The following PDE4D variants were observed in gnomAD, a reference collection of about 807,000 sequenced individuals.
PDE4D encodes the protein phosphodiesterase 4D.
PDE4D carries 24 observed loss-of-function variants against 87.4 expected under a neutral mutation model. The observed-to-expected ratio is 0.27, with a 90% CI of 0.20 to 0.39. The LOEUF (loss-of-function observed/expected upper bound fraction) is 0.39. Among genes scored for constraint, PDE4D ranks in the 10% least tolerant of loss-of-function variants. The pLI, the probability that PDE4D is intolerant of heterozygous loss-of-function variation, is 1.00. For synonymous variants in PDE4D, 384 were observed against 383.2 expected (o/e 1.00, Z -0.02); for missense variants, 714 against 1,041.0 (o/e 0.69, Z 4.32).
At chr5:59,311,321 C>A (rs1445456022) in intron 1 of PDE4D, among the ~76,000 whole-genome samples, 1 of 151,414 alleles carries the variant, frequency 6.6e-6, no homozygotes, top group Non-Finnish European at 1.5e-5. Flanking sequence ...GAGTTCAGGA[C>A]AAAACCCCGT....
intron 2 of PDE4D, among the ~76,000 whole-genome samples, chr5:59,201,112 A>T (rs1329966600): frequency 6.6e-6 from 1 of 152,146 alleles, no homozygotes; most frequent in African/African-American, 2.4e-5. Context: ...TAAATAAATT[A>T]AAAAATAATC....
intron 1 of PDE4D, among the ~76,000 whole-genome samples, chr5:59,890,614 G>A (rs1424808850): frequency 6.6e-6 from 1 of 152,176 alleles, no homozygotes; most frequent in East Asian, 1.9e-4. Flanking sequence ...TTGGTTTCAT[G>A]TATTTCTTGA....
At chr5:59,470,671 TTG>T (rs1364183874) in intron 1 of PDE4D, among the ~76,000 whole-genome samples, 1 of 152,212 alleles carries the variant, frequency 6.6e-6, no homozygotes, top group East Asian at 1.9e-4. Flanking sequence ...TTGATTTACT[TTG>T]TTTTTCAGGA....
In PDE4D at chr5:59,105,789, G is replaced by T. The variant is rs574557786; in HGVS notation, c.809-66818C>A. ...AAGATTCTGATTTCTAACAAGCACC[G>T]ATGTGACTGGCCCAGGGGTCAGACT... On this transcript the variant is annotated intron_variant, in intron 5 of 14. Coordinates refer to ENST00000340635, the MANE Select transcript of PDE4D (RefSeq NM_001104631.2). Among the ~76,000 whole-genome samples the T allele has an allele frequency of 8.6e-4, 131 of 152,240 alleles. 1 individual carries two copies. The highest frequency in any genetic ancestry group is 1.0e-3 in the Non-Finnish European group (70 of 68,020).
chr5:59,109,952 G>A (rs2153437949), intron 5 of PDE4D, among the ~76,000 whole-genome samples: 1 of 152,290 alleles, frequency 6.6e-6, no homozygotes, highest in Admixed American at 6.5e-5. Context: ...TGCCCATGGA[G>A]AGAGGGAGCG....
At chr5:60,303,761 G>A (rs180814138) in intron 1 of PDE4D, among the ~76,000 whole-genome samples, 1 of 152,170 alleles carries the variant, frequency 6.6e-6, no homozygotes, top group African/African-American at 2.4e-5. Flanking sequence ...TGAAAAGAAC[G>A]TATATTCTGT....
chr5:59,963,578 T>A (rs913821839), intron 3 of PDE4D, among the ~76,000 whole-genome samples: 8 of 94,670 alleles, frequency 8.5e-5, no homozygotes, highest in African/African-American at 3.2e-4. Context: ...TTAACCTTAG[T>A]AATCAAGAAG....
intron 3 of PDE4D, among the ~76,000 whole-genome samples, chr5:59,948,673 T>G (rs1757953475): frequency 6.6e-6 from 1 of 152,224 alleles, no homozygotes; most frequent in Admixed American, 6.5e-5. Context: ...TTGATGAAGA[T>G]ATCACTCACA....
At chr5:59,973,435 C>T (rs1387938350) in intron 3 of PDE4D, among the ~76,000 whole-genome samples, 2 of 152,044 alleles carry the variant, frequency 1.3e-5, no homozygotes, top group African/African-American at 4.8e-5. Flanking sequence ...TCCATGTTAC[C>T]ATATACTTAT....
chr5:59,472,535 T>C (rs1192954873), intron 1 of PDE4D, among the ~76,000 whole-genome samples: 1 of 152,202 alleles, frequency 6.6e-6, no homozygotes, highest in East Asian at 1.9e-4. Flanking sequence ...ATCCATGTCA[T>C]TCATCTCCTG....
At chr5:59,174,119 A>G (rs1391080548) in intron 5 of PDE4D, among the ~76,000 whole-genome samples, 2 of 152,296 alleles carry the variant, frequency 1.3e-5, no homozygotes, top group South Asian at 4.1e-4. Flanking sequence ...AAATATCATT[A>G]TTGTTTTTCC....
chr5:59,768,095 G>A (rs1216634254), intron 1 of PDE4D, among the ~76,000 whole-genome samples: 3 of 152,156 alleles, frequency 2.0e-5, no homozygotes, highest in East Asian at 3.9e-4. Context: ...GGACATTTGT[G>A]GGATTTATGG....
intron 1 of PDE4D, among the ~76,000 whole-genome samples, chr5:59,383,565 C>G (rs1011701400): frequency 1.3e-5 from 2 of 152,270 alleles, no homozygotes; most frequent in Non-Finnish European, 2.9e-5. Flanking sequence ...TACTGAGTCT[C>G]TCTGTCCCTA....
intron 6 of PDE4D, among the ~76,000 whole-genome samples, chr5:59,005,220 C>T (rs1751366525): frequency 6.6e-6 from 1 of 152,170 alleles, no homozygotes; most frequent in African/African-American, 2.4e-5. Context: ...TCTGCAGCCT[C>T]TTCTCCCTGC....
intron 3 of PDE4D, among the ~76,000 whole-genome samples, chr5:59,919,455 A>G (rs1163117068): frequency 6.6e-6 from 1 of 152,230 alleles, no homozygotes; most frequent in Middle Eastern, 3.2e-3. Context: ...CCAGGCCCTC[A>G]TTATCAAAAA....
rs561109109 is a variant in PDE4D, at chr5:59,043,518, G to A, written c.809-4547C>T. On this transcript the variant is annotated intron_variant, in intron 5 of 14. Transcript: ENST00000340635. ...AACCTGGACAACAGCAGAAGACTCC[G>A]ACTCAAAAAAACAAAAAAAATTATA... Among the ~76,000 whole-genome samples, 104 of 146,382 alleles carry A rather than the reference G, an allele frequency of 7.1e-4. 2 individuals carry two copies. Among genetic ancestry groups the A allele is most frequent in the Non-Finnish European group, 1.1e-3 (73 of 67,158 alleles).
At chr5:59,185,166 G>C in intron 4 of PDE4D, 23 bp downstream of exon 4, 1 of 1,584,630 alleles carries the variant, frequency 6.3e-7, no homozygotes, top group East Asian at 2.2e-5. Context: ...GCAAAAAAGA[G>C]GGGGGAAAAA....
At chr5:60,467,590 C>A (rs566169029) in intron 1 of PDE4D, among the ~76,000 whole-genome samples, 79 of 152,280 alleles carry the variant, frequency 5.2e-4, no homozygotes, top group Non-Finnish European at 8.5e-4. Context: ...TGGCCCAATC[C>A]ATTTCTTCTG....
chr5:59,012,282 G>A (rs928329285), intron 6 of PDE4D, among the ~76,000 whole-genome samples: 5 of 152,112 alleles, frequency 3.3e-5, no homozygotes, highest in Non-Finnish European at 7.4e-5. Flanking sequence ...ATAAAGACAG[G>A]ATCAAATTCC....
Sources: gnomAD v4.1 joint callset for allele counts (sites outside exome capture counted in the v4.1 genomes callset) on GRCh38, gnomAD v4.1.1 for gene constraint, MANE v1.5 for transcripts, NCBI Gene and HGNC (gene_info 2026-07-23, HGNC 2026-07-21) for gene names.